The following C18orf63 variants were observed in gnomAD, a reference collection of about 807,000 sequenced individuals.
C18orf63 encodes uncharacterized protein C18orf63.
C18orf63 carries 50 observed loss-of-function variants against 75.3 expected under a neutral mutation model. The ratio of observed to expected loss-of-function variants is 0.66; its 90% CI spans 0.53 to 0.84. The LOEUF (loss-of-function observed/expected upper bound fraction) is 0.84. Among genes scored for constraint, C18orf63 ranks in the 40% least tolerant of loss-of-function variants. C18orf63 has a pLI of 0.00. For missense variants in C18orf63, 732 were observed against 800.2 expected (o/e 0.91, Z 1.03); for synonymous variants, 232 against 267.6 (o/e 0.87, Z 1.30).
At chr18:74,337,375 C>T (rs1984410076) in intron 7 of C18orf63, among the ~76,000 whole-genome samples, 1 of 152,020 alleles carries the variant, frequency 6.6e-6, no homozygotes, top group African/African-American at 2.4e-5. Context: ...TTACTGAGGT[C>T]CCTGCAGCAA....
At chr18:74,318,190 C>T (rs1695859093) in intron 2 of C18orf63, among the ~76,000 whole-genome samples, 191 bp downstream of exon 2, 3 of 152,132 alleles carry the variant, frequency 2.0e-5, no homozygotes, top group African/African-American at 4.8e-5. Context: ...AAAATACTTG[C>T]AATAGAATTA....
At chr18:74,350,817 C>T (rs1178577558) in intron 11 of C18orf63, among the ~76,000 whole-genome samples, 4 of 152,144 alleles carry the variant, frequency 2.6e-5, no homozygotes, top group Non-Finnish European at 5.9e-5. Flanking sequence ...GAAGGATGTG[C>T]TATGCTCTGA....
intron 4 of C18orf63, 48 bp from the exon 5 acceptor site, chr18:74,327,899 C>A: frequency 1.8e-6 from 2 of 1,111,562 alleles, no homozygotes; most frequent in Non-Finnish European, 2.6e-6. Flanking sequence ...TATGCATACA[C>A]AGCAATTGTT....
chr18:74,322,846 T>C (rs903727064), intron 4 of C18orf63, 92 bp downstream of exon 4: 12 of 411,474 alleles, frequency 2.9e-5, no homozygotes, highest in Non-Finnish European at 4.1e-5. Flanking sequence ...CTGGAGTATC[T>C]TTCTCATAGA....
rs1459171306 is a variant in C18orf63, at chr18:74,353,919, C to A, written c.1652C>A (p.Ser551Ter). ...TCTAATAGTGCAGTATTTGTGGTGTCAAATAACAATTTAGGGGTGGTAAAA... is the reference window on the plus strand; with the variant it reads ...TCTAATAGTGCAGTATTTGTGGTGTAAAATAACAATTTAGGGGTGGTAAAA... ...QLSNSAVFVVSNNNLGVVKSA... is the reference protein window; with the variant it reads ...QLSNSAVFVV Residue 551 changes from serine (S) to a stop codon, truncating the protein, a stop_gained, in exon 12 of 14, where the codon TCA (serine) becomes TAA (stop). Coordinates refer to ENST00000579455, the MANE Select transcript of C18orf63 (RefSeq NM_001174123.2). LOFTEE classifies it high-confidence loss of function. 4 of 1,535,718 alleles carry A rather than the reference C, an allele frequency of 2.6e-6. No individual in the cohort carries two copies. Among genetic ancestry groups the A allele is most frequent in the African/African-American group, 1.4e-5 (1 of 72,972 alleles).
chr18:74,353,319 G>A lies in C18orf63; in HGVS notation c.1052G>A (p.Arg351Lys), dbSNP rs1346391938. 4.6e-6 allele frequency: 7 copies of A among 1,536,450 alleles called. No homozygotes were observed. Among genetic ancestry groups the A allele is most frequent in the South Asian group, 2.4e-5 (2 of 84,046 alleles). ...GCATCTCTGACTCAAGCCACTTCCAGAAAGCCTGCCTGTGCTCAAAGTCTT... is the reference window on the plus strand; with the variant it reads ...GCATCTCTGACTCAAGCCACTTCCAAAAAGCCTGCCTGTGCTCAAAGTCTT... ...LRASLTQATSRKPACAQSLLP... is the reference protein window; with the variant it reads ...LRASLTQATSKKPACAQSLLP... The change falls in exon 12 of 14, where the codon AGA (arginine) becomes AAA (lysine). Residue 351 changes from arginine to lysine, a missense_variant. Around this residue, in one of 3 missense-constraint regions of C18orf63, gnomAD observed 495 missense variants for 508.7 expected, o/e 0.97. Transcript: ENST00000579455.
At chr18:74,336,779 CT>C (rs1984398964) in intron 7 of C18orf63, among the ~76,000 whole-genome samples, 1 of 152,070 alleles carries the variant, frequency 6.6e-6, no homozygotes, top group Non-Finnish European at 1.5e-5. Context: ...TCTGTTCCCC[CT>C]GTGTAATTAT....
intron 7 of C18orf63, among the ~76,000 whole-genome samples, chr18:74,332,324 T>G (rs1984321437): frequency 6.6e-6 from 1 of 152,028 alleles, no homozygotes; most frequent in African/African-American, 2.4e-5. Context: ...GATAAACCAT[T>G]AATTCATTAA....
intron 7 of C18orf63, among the ~76,000 whole-genome samples, chr18:74,337,333 G>A (rs906103055): frequency 2.6e-5 from 4 of 152,068 alleles, no homozygotes; most frequent in African/African-American, 9.7e-5. Context: ...TCTGTGTTGA[G>A]AAAGACCAAT....
At chr18:74,339,332 A>G (rs536042596) in intron 8 of C18orf63, among the ~76,000 whole-genome samples, 3 of 152,236 alleles carry the variant, frequency 2.0e-5, no homozygotes, top group Admixed American at 2.0e-4. Context: ...TAGAAAACAT[A>G]GGTTTGACTC....
intron 2 of C18orf63, among the ~76,000 whole-genome samples, chr18:74,319,247 C>A (rs71359046): frequency 3.3e-5 from 5 of 152,136 alleles, no homozygotes; most frequent in Non-Finnish European, 7.3e-5. Flanking sequence ...CACTCACCCT[C>A]CCGGTAATTG....
chr18:74,335,827 A>G (rs1984382441), intron 7 of C18orf63, among the ~76,000 whole-genome samples: 1 of 152,112 alleles, frequency 6.6e-6, no homozygotes. Flanking sequence ...AACTTACCAG[A>G]AGAAGGGAAC....
intron 7 of C18orf63, among the ~76,000 whole-genome samples, chr18:74,338,314 GTA>G (rs1437483733): frequency 1.3e-5 from 2 of 152,018 alleles, no homozygotes; most frequent in African/African-American, 2.4e-5. Flanking sequence ...CCAGATGGAG[GTA>G]TAATTCCCTT....
intron 1 of C18orf63, among the ~76,000 whole-genome samples, chr18:74,316,443 C>A (rs115629171): frequency 6.6e-6 from 1 of 152,220 alleles, no homozygotes; most frequent in South Asian, 2.1e-4. Context: ...TGGGGCCGCC[C>A]TGAACCCCGC....
chr18:74,341,303 A>G (rs1290029299), intron 8 of C18orf63, among the ~76,000 whole-genome samples: 11 of 129,392 alleles, frequency 8.5e-5, no homozygotes, highest in South Asian at 5.2e-4. Flanking sequence ...AAAAAAAAAA[A>G]GTATTAGGTT....
At chr18:74,328,837 A>G (rs565355022) in intron 5 of C18orf63, among the ~76,000 whole-genome samples, 158 bp from the exon 6 acceptor site, 4 of 152,296 alleles carry the variant, frequency 2.6e-5, no homozygotes, top group South Asian at 4.1e-4. Context: ...TTGAATGATT[A>G]TATTTTTTCA....
chr18:74,332,427 C>T (rs927982583), intron 7 of C18orf63, among the ~76,000 whole-genome samples: 1 of 152,126 alleles, frequency 6.6e-6, no homozygotes, highest in African/African-American at 2.4e-5. Context: ...CACATTGGCT[C>T]AGCACGGTGG....
At chr18:74,323,833 T>C (rs1326645725) in intron 4 of C18orf63, among the ~76,000 whole-genome samples, 1 of 152,124 alleles carries the variant, frequency 6.6e-6, no homozygotes, top group East Asian at 1.9e-4. Flanking sequence ...CTTGTCTGGG[T>C]GGGTTTTCTT....
chr18:74,353,393 C>A lies in C18orf63; in HGVS notation c.1126C>A (p.Gln376Lys). 6 of 1,536,290 alleles carry A rather than the reference C, an allele frequency of 3.9e-6. No homozygotes were observed. Among genetic ancestry groups the A allele is most frequent in the Non-Finnish European group, 5.2e-6 (6 of 1,146,928 alleles). ...VDHKVELSVS[Q>K]PTSGIFSALH... The stretch of plus-strand genomic sequence containing the variant: ...CCACAAGGTGGAGCTTTCAGTCAGC[C>A]AGCCAACATCAGGCATTTTCTCAGC... Residue 376 changes from glutamine to lysine, a missense_variant, in exon 12 of 14, where the codon CAG becomes AAG. By Grantham distance (53) the Gln-to-Lys change is moderately conservative (BLOSUM62 1). This residue lies in a region of C18orf63 where 495 missense variants were observed against 508.7 expected (regional missense o/e 0.97). Transcript: ENST00000579455.
Sources: gnomAD v4.1 joint callset for allele counts (sites outside exome capture counted in the v4.1 genomes callset) on GRCh38, gnomAD v4.1.1 for gene constraint, gnomAD v4.1.1 regional missense constraint, MANE v1.5 for transcripts, NCBI Gene and HGNC (gene_info 2026-07-23, HGNC 2026-07-21) for gene names.